Variants in MUSK observed in about 807,000 individuals in gnomAD.
MUSK encodes muscle associated receptor tyrosine kinase.
In MUSK, 55 loss-of-function variants were observed where a neutral mutation model predicts 88.7. That is an observed-to-expected ratio of 0.62 (90% CI 0.50 to 0.78). The LOEUF (loss-of-function observed/expected upper bound fraction) is 0.78. MUSK is among the 30% of genes least tolerant of loss of function. The pLI is 0.00. For synonymous variants in MUSK, 387 were observed against 391.9 expected, an observed-to-expected ratio of 0.99 and a Z score of 0.15; for missense variants, 1,015 against 1,074.3, an observed-to-expected ratio of 0.94 and a Z score of 0.77.
chr9:110,714,480 C>T (rs1393026964), intron 5 of MUSK, among the ~76,000 whole-genome samples: 2 of 152,114 alleles, frequency 1.3e-5, no homozygotes, highest in African/African-American at 4.8e-5. Context: ...TCTAAAGGAG[C>T]TTGCCTTCTG....
At chr9:110,681,010 A>AT (rs539720162) in intron 1 of MUSK, among the ~76,000 whole-genome samples, 14 of 41,116 alleles carry the variant, frequency 3.4e-4, no homozygotes, top group African/African-American at 1.5e-3. Context: ...ATTATATTAT[A>AT]TATAATATAT....
At chr9:110,681,080 T>TATAAA (rs1491549151) in intron 1 of MUSK, among the ~76,000 whole-genome samples, 428 of 25,886 alleles carry the variant, frequency 0.017, 59 homozygotes, top group African/African-American at 0.11. Flanking sequence ...ATTATATATA[T>TATAAA]TATATAATAT....
intron 8 of MUSK, among the ~76,000 whole-genome samples, chr9:110,763,953 A>G (rs1478452650): frequency 6.6e-6 from 1 of 152,200 alleles, no homozygotes; most frequent in South Asian, 2.1e-4. Context: ...ACTCCCTTTG[A>G]CCACATAGGG....
At chr9:110,776,496 G>T in intron 10 of MUSK, 136 bp from the exon 11 acceptor site, 1 of 703,450 alleles carries the variant, frequency 1.4e-6, no homozygotes, top group South Asian at 1.9e-5. Context: ...TTTCACATTC[G>T]AATGCAAAGA....
chr9:110,711,258 TAAA>T (rs71492899), intron 5 of MUSK, among the ~76,000 whole-genome samples: 1 of 151,900 alleles, frequency 6.6e-6, no homozygotes, highest in African/African-American at 2.4e-5. Context: ...ATAATAATAA[TAAA>T]AAAAATTTAG....
intron 2 of MUSK, among the ~76,000 whole-genome samples, chr9:110,683,737 T>A (rs1416280963): frequency 6.6e-6 from 1 of 152,190 alleles, no homozygotes; most frequent in Non-Finnish European, 1.5e-5. Context: ...TGATCAGTGA[T>A]GTTGAGCACT....
intron 2 of MUSK, 75 bp from the exon 3 acceptor site, chr9:110,687,042 C>T (rs1564214183): frequency 6.9e-6 from 10 of 1,455,600 alleles, no homozygotes; most frequent in Admixed American, 6.0e-5. Context: ...AACAAGTCAT[C>T]GGTTTGATAC....
At chr9:110,682,877 A>C (rs2131657251) in intron 2 of MUSK, 77 bp downstream of exon 2, 1 of 1,052,372 alleles carries the variant, frequency 9.5e-7, no homozygotes, top group East Asian at 2.7e-5. Context: ...ATATTTATGA[A>C]GTAGATGAGA....
chr9:110,780,966 A>G (rs2077743884), intron 11 of MUSK, among the ~76,000 whole-genome samples: 1 of 152,090 alleles, frequency 6.6e-6, no homozygotes, highest in Non-Finnish European at 1.5e-5. Flanking sequence ...ATGCTATTCC[A>G]CCTCGTAAAA....
At chr9:110,676,349 T>C (rs1265766699) in intron 1 of MUSK, among the ~76,000 whole-genome samples, 1 of 139,188 alleles carries the variant, frequency 7.2e-6, no homozygotes, top group Non-Finnish European at 1.6e-5. Context: ...CACACATATA[T>C]TATATATTAT....
At position 110,785,550 on chromosome 9, in the gene MUSK, C is replaced by G. The variant is rs753647097; in HGVS notation, c.1610C>G (p.Thr537Ser). 6.2e-7 allele frequency: 1 copy of G among 1,611,612 alleles called. No homozygotes were observed. The highest frequency in any genetic ancestry group is 8.5e-7 in the Non-Finnish European group (1 of 1,178,568). Residue 537 changes from threonine to serine, a missense_variant, in exon 13 of 15, where the codon ACC (threonine) becomes AGC (serine). Coordinates refer to ENST00000374448, the MANE Select transcript of MUSK (RefSeq NM_005592.4). ...KKRESAAVTL[T>S]TLPSELLLDR... The stretch of plus-strand genomic sequence containing the variant: ...AGAGAATCAGCAGCAGTAACCCTCA[C>G]CACACTGCCTTCTGAGCTCTTACTA...
intron 11 of MUSK, among the ~76,000 whole-genome samples, chr9:110,780,687 C>T (rs2132006235): frequency 6.6e-6 from 1 of 152,270 alleles, no homozygotes; most frequent in South Asian, 2.1e-4. Flanking sequence ...TCTTTTCTAG[C>T]TTCTAGTGTT....
At chr9:110,758,050 T>C (rs999595443) in intron 7 of MUSK, among the ~76,000 whole-genome samples, 1 of 151,222 alleles carries the variant, frequency 6.6e-6, no homozygotes, top group Non-Finnish European at 1.5e-5. Context: ...CATTGCAGCC[T>C]CTGCCTGAGC....
chr9:110,739,492 C>A (rs2077071017), intron 6 of MUSK, among the ~76,000 whole-genome samples: 1 of 152,148 alleles, frequency 6.6e-6, no homozygotes, highest in African/African-American at 2.4e-5. Context: ...ACTAATACAA[C>A]GTGGCCTAGG....
At chr9:110,708,106 A>ATCTG (rs2076623836) in intron 5 of MUSK, among the ~76,000 whole-genome samples, 1 of 150,556 alleles carries the variant, frequency 6.6e-6, no homozygotes. Flanking sequence ...CTATCTATCT[A>ATCTG]TCTATCTATC....
intron 6 of MUSK, among the ~76,000 whole-genome samples, chr9:110,741,790 A>C (rs2131859559): frequency 6.6e-6 from 1 of 152,262 alleles, no homozygotes; most frequent in South Asian, 2.1e-4. Flanking sequence ...TTGTAACTTG[A>C]GGCATGGTAG....
At chr9:110,711,903 G>A (rs371557306) in intron 5 of MUSK, among the ~76,000 whole-genome samples, 1 of 152,158 alleles carries the variant, frequency 6.6e-6, no homozygotes, top group African/African-American at 2.4e-5. Flanking sequence ...CAATTCTGTG[G>A]GAGCTGTTTT....
intron 5 of MUSK, among the ~76,000 whole-genome samples, chr9:110,723,980 A>G (rs1235173747): frequency 6.6e-6 from 1 of 151,804 alleles, no homozygotes; most frequent in Non-Finnish European, 1.5e-5. Context: ...ATTTCTGTCC[A>G]TCTTTCTCTC....
At position 110,669,132 on chromosome 9, in the gene MUSK, A is replaced by C. The variant is rs2075925152; in HGVS notation, c.79+149A>C. The C allele has an allele frequency of 1.1e-5, 8 of 755,948 alleles. 1 individual carries two copies. The South Asian group carries it at 1.2e-4, about 12-fold the overall frequency. The allele number at this position is 755,948 out of a possible 1,614,324, so 46.8% of individuals were successfully genotyped here. A position where few individuals can be genotyped will look rare whatever the true frequency, so the allele number is the denominator to read the frequency against. ...GAAATGTATGATGAGGGAGGAAATT[A>C]TATACATAAGCAATTGGTTGATGGT... On this transcript the variant is annotated intron_variant, in intron 1 of 14. Coordinates refer to ENST00000374448, the MANE Select transcript of MUSK (RefSeq NM_005592.4).
Sources: allele counts gnomAD v4.1 joint callset (sites outside exome capture counted in the v4.1 genomes callset), GRCh38; gene constraint gnomAD v4.1.1; transcripts MANE v1.5; gene names NCBI Gene and HGNC (gene_info 2026-07-23, HGNC 2026-07-21).